The following SCRN1 variants were observed in gnomAD, a reference collection of about 807,000 sequenced individuals.
The protein encoded by SCRN1 is secernin 1.
In SCRN1, 19 loss-of-function variants were observed where a neutral mutation model predicts 43.3. That is an observed-to-expected ratio of 0.44 (90% CI 0.31 to 0.64). SCRN1 has a LOEUF of 0.64. Ranked by LOEUF, SCRN1 falls within the 30% of genes least tolerant of loss-of-function variation. SCRN1 has a pLI of 0.09. For missense variants in SCRN1, 447 were observed against 524.1 expected, an observed-to-expected ratio of 0.85 and a Z score of 1.44; for synonymous variants, 183 against 188.9, an observed-to-expected ratio of 0.97 and a Z score of 0.26.
intron 2 of SCRN1, among the ~76,000 whole-genome samples, chr7:29,955,974 A>G (rs2128094152): frequency 6.6e-6 from 1 of 152,350 alleles, no homozygotes; most frequent in East Asian, 1.9e-4. Context: ...GTGGACACAG[A>G]AGGAAACAGT....
intron 6 of SCRN1, among the ~76,000 whole-genome samples, chr7:29,929,643 C>T (rs112378556): frequency 0.034 from 5,193 of 152,306 alleles, 111 homozygotes; most frequent in African/African-American, 0.067. Flanking sequence ...GGACTTGGAA[C>T]GGGGGTGTGA....
At chr7:29,966,868 T>C (rs1348226217) in intron 2 of SCRN1, among the ~76,000 whole-genome samples, 1 of 152,100 alleles carries the variant, frequency 6.6e-6, no homozygotes. Context: ...CAGCCCCTCA[T>C]AGAGTTCTGT....
chr7:29,957,625 C>T (rs1215591204), intron 2 of SCRN1, among the ~76,000 whole-genome samples: 2 of 152,174 alleles, frequency 1.3e-5, no homozygotes, highest in South Asian at 4.1e-4. Flanking sequence ...TTTGTTGGAT[C>T]GGTGGCTGAA....
At chr7:29,987,019 C>G (rs1469659557) in intron 1 of SCRN1, among the ~76,000 whole-genome samples, 1 of 152,262 alleles carries the variant, frequency 6.6e-6, no homozygotes, top group Non-Finnish European at 1.5e-5. Context: ...CCACCGCGCC[C>G]GGCTGCAAGT....
At chr7:29,949,037 C>T (rs2128092360) in intron 3 of SCRN1, among the ~76,000 whole-genome samples, 1 of 152,278 alleles carries the variant, frequency 6.6e-6, no homozygotes, top group African/African-American at 2.4e-5. Context: ...CACCCTAGGA[C>T]AGGAGCGGTG....
chr7:29,947,252 C>T (rs2128091855), intron 3 of SCRN1: 1 of 1,550,704 alleles, frequency 6.4e-7, no homozygotes, highest in Non-Finnish European at 8.7e-7. Flanking sequence ...AAATCTTTCC[C>T]TGGGAGCCCA....
At chr7:29,953,482 C>G (rs980038506) in intron 3 of SCRN1, among the ~76,000 whole-genome samples, 1 of 151,696 alleles carries the variant, frequency 6.6e-6, no homozygotes, top group Non-Finnish European at 1.5e-5. Flanking sequence ...TTCTATAAGT[C>G]TCATACTGCA....
chr7:29,974,351 C>A (rs986958188), intron 1 of SCRN1, among the ~76,000 whole-genome samples: 2 of 152,134 alleles, frequency 1.3e-5, no homozygotes, highest in African/African-American at 2.4e-5. Context: ...CTTTCTTTTA[C>A]CTTTTTTACA....
In SCRN1 at chr7:29,940,796, G is replaced by T; in HGVS notation, c.625C>A (p.Gln209Lys). The T allele has an allele frequency of 1.9e-6, 3 of 1,607,656 alleles. No homozygotes were observed. The highest frequency in any genetic ancestry group is 2.3e-5 in the East Asian group (1 of 44,436). ...TCTCCCGTCCACCAACCTTGGCTCT[G>T]AGCGTAACTCCTGAGTTCCGGATGC... ...AEHPELRSYA[Q>K]SQGWWTGEGE... The change falls in exon 5 of 8, where the codon CAG becomes AAG. Residue 209 changes from glutamine (Q) to lysine (K), a missense_variant. Transcript: ENST00000242059.
intron 3 of SCRN1, chr7:29,947,324 C>T (rs1003666425): frequency 6.4e-7 from 1 of 1,550,722 alleles, no homozygotes; most frequent in Non-Finnish European, 8.7e-7. Context: ...ACACATCTCA[C>T]TGAGAAAGAT....
intron 1 of SCRN1, among the ~76,000 whole-genome samples, chr7:29,987,467 C>A (rs1789197964): frequency 6.6e-6 from 1 of 152,202 alleles, no homozygotes; most frequent in Non-Finnish European, 1.5e-5. Context: ...TCTCCACAAA[C>A]ACAAGCAACT....
At chr7:29,982,479 A>G (rs909810978) in intron 1 of SCRN1, among the ~76,000 whole-genome samples, 1 of 152,094 alleles carries the variant, frequency 6.6e-6, no homozygotes, top group African/African-American at 2.4e-5. Context: ...CAGGAGTTCA[A>G]GACCATTCTG....
intron 6 of SCRN1, among the ~76,000 whole-genome samples, chr7:29,927,038 A>G (rs543680255): frequency 1.3e-5 from 2 of 151,822 alleles, no homozygotes; most frequent in Admixed American, 6.6e-5. Flanking sequence ...CCTTTGGGAA[A>G]GGAAGGGCCT....
At chr7:29,933,049 G>A (rs568281212) in intron 6 of SCRN1, among the ~76,000 whole-genome samples, 1 of 151,724 alleles carries the variant, frequency 6.6e-6, no homozygotes, top group Non-Finnish European at 1.5e-5. Context: ...GCTAATTTTT[G>A]TATTTTTTTT....
intron 3 of SCRN1, among the ~76,000 whole-genome samples, chr7:29,953,831 C>T (rs2060964906): frequency 6.6e-6 from 1 of 152,090 alleles, no homozygotes; most frequent in Admixed American, 6.5e-5. Flanking sequence ...AAATCCAACC[C>T]CATTCCTTTT....
At chr7:29,942,696 G>A (rs1279354471) in intron 4 of SCRN1, among the ~76,000 whole-genome samples, 1 of 152,182 alleles carries the variant, frequency 6.6e-6, no homozygotes. Flanking sequence ...CACACTGGTA[G>A]GTGGGTACAT....
chr7:29,934,906 C>T (rs1207851106), intron 6 of SCRN1, among the ~76,000 whole-genome samples: 8 of 152,216 alleles, frequency 5.3e-5, no homozygotes, highest in African/African-American at 2.4e-5. Flanking sequence ...GGAGGATGCA[C>T]GGCTCTAGCC....
Position 29,940,748 on chromosome 7 carries a change from C to T in SCRN1, c.673G>A (p.Val225Ile). The T allele has an allele frequency of 6.2e-7, 1 of 1,608,858 alleles. No individual in the cohort carries two copies. The highest frequency in any genetic ancestry group is 8.5e-7 in the Non-Finnish European group (1 of 1,178,684). ...AGATGATCCTCAACTGGAGAAAAGA[C>T]TTCGGAAAAATTGAACTCGCCCTCT... Reference protein sequence around the residue: ...TGEGEFNFSEVFSPVEDHLDC... With the variant: ...TGEGEFNFSEIFSPVEDHLDC... Residue 225 changes from valine to isoleucine, a missense_variant, in exon 5 of 8, where the codon GTC becomes ATC. By Grantham distance (29) the Val-to-Ile change is conservative. Coordinates refer to ENST00000242059, the MANE Select transcript of SCRN1 (RefSeq NM_014766.5).
chr7:29,954,978 G>A (rs1295933122), intron 3 of SCRN1, among the ~76,000 whole-genome samples: 4 of 152,254 alleles, frequency 2.6e-5, no homozygotes, highest in Non-Finnish European at 4.4e-5. Context: ...ACCATGCCCA[G>A]CCACTTGATT....
Sources: gnomAD v4.1 joint callset for allele counts (sites outside exome capture counted in the v4.1 genomes callset) on GRCh38, gnomAD v4.1.1 for gene constraint, MANE v1.5 for transcripts, NCBI Gene and HGNC (gene_info 2026-07-23, HGNC 2026-07-21) for gene names.